Variants in EPB41L4A observed in about 807,000 individuals in gnomAD.
EPB41L4A encodes erythrocyte membrane protein band 4.1 like 4A.
Under a neutral mutation model 108.6 loss-of-function variants are expected in EPB41L4A, and 100 were observed. The observed-to-expected ratio is 0.92, with a 90% CI of 0.78 to 1.09. The LOEUF (loss-of-function observed/expected upper bound fraction) is 1.09, where lower values mean the gene tolerates loss of function less well. Among genes scored for constraint, EPB41L4A ranks in the 50% least tolerant of loss-of-function variants. EPB41L4A has a pLI of 0.00. For missense variants in EPB41L4A, 1,030 were observed against 842.7 expected (o/e 1.22, Z -2.75); for synonymous variants, 319 against 289.0 (o/e 1.10, Z -1.05).
exon 14 of EPB41L4A, chr5:112,143,522 T>C (rs1335893582): frequency 6.5e-6 from 1 of 153,912 alleles, no homozygotes. Context: ...TTAAAAGGAG[T>C]GGTTCATTAG....
intron 22 of EPB41L4A, among the ~76,000 whole-genome samples, chr5:112,165,952 T>G (rs79966042): frequency 6.6e-6 from 1 of 152,188 alleles, no homozygotes; most frequent in Non-Finnish European, 1.5e-5. Context: ...ATGGGAAGCA[T>G]GAACCCATCT....
intron 9 of EPB41L4A, among the ~76,000 whole-genome samples, chr5:112,254,717 G>GACCAAC (rs1750946267): frequency 6.6e-6 from 1 of 151,962 alleles, no homozygotes. Flanking sequence ...CAATCGACTG[G>GACCAAC]ACCAATTCTC....
chr5:112,400,047 G>T (rs1369624298), intron 1 of EPB41L4A, among the ~76,000 whole-genome samples: 1 of 152,138 alleles, frequency 6.6e-6, no homozygotes, highest in Non-Finnish European at 1.5e-5. Context: ...AGAAGCACTT[G>T]AGACTGGGTA....
chr5:112,323,684 C>A (rs142142603), intron 1 of EPB41L4A, among the ~76,000 whole-genome samples: 1 of 152,162 alleles, frequency 6.6e-6, no homozygotes, highest in Non-Finnish European at 1.5e-5. Context: ...CCATCTTTGC[C>A]CTCCTTCCTC....
chr5:112,339,411 A>G (rs761840685), intron 1 of EPB41L4A, among the ~76,000 whole-genome samples: 4 of 150,938 alleles, frequency 2.7e-5, no homozygotes, highest in Non-Finnish European at 5.9e-5. Flanking sequence ...TAAGTAGCTA[A>G]CAATACAGTA....
chr5:112,166,424 C>G (rs1239970095), intron 22 of EPB41L4A, among the ~76,000 whole-genome samples: 1 of 152,208 alleles, frequency 6.6e-6, no homozygotes, highest in Non-Finnish European at 1.5e-5. Context: ...CTCAAGCTCA[C>G]TGCATGTTGG....
At chr5:112,234,556 AT>A in intron 12 of EPB41L4A, 77 bp downstream of exon 12, 1 of 1,380,174 alleles carries the variant, frequency 7.2e-7, no homozygotes. Context: ...AGTTATAGAC[AT>A]CACCTGAGTA....
chr5:112,268,996 G>T (rs1289565135), intron 4 of EPB41L4A, among the ~76,000 whole-genome samples: 1 of 151,966 alleles, frequency 6.6e-6, no homozygotes, highest in East Asian at 1.9e-4. Context: ...AAAACAAAGA[G>T]CTGAAATACA....
At chr5:112,173,484 A>G (rs896911186) in intron 18 of EPB41L4A, 1 of 151,872 alleles carries the variant, frequency 6.6e-6, no homozygotes, top group African/African-American at 2.4e-5. Context: ...ATGCTTTTCT[A>G]TATTTTCTGA....
intron 1 of EPB41L4A, among the ~76,000 whole-genome samples, chr5:112,345,377 A>C (rs2150712359): frequency 6.6e-6 from 1 of 152,326 alleles, no homozygotes; most frequent in Admixed American, 6.5e-5. Flanking sequence ...GCTGTTACAT[A>C]CCATGTTTGA....
intron 4 of EPB41L4A, 62 bp from the exon 5 acceptor site, chr5:112,266,392 G>A: frequency 8.6e-7 from 1 of 1,157,716 alleles, no homozygotes; most frequent in Non-Finnish European, 1.2e-6. Context: ...TGAGGTTTCG[G>A]ACCCTGATAA....
At chr5:112,286,866 GA>G (rs35486822) in intron 2 of EPB41L4A, among the ~76,000 whole-genome samples, 29,274 of 142,538 alleles carry the variant, frequency 0.21, 2,940 homozygotes, top group East Asian at 0.36. Context: ...CTCTGGATGA[GA>G]AAAAAAAAAA....
At chr5:112,170,576 C>A (rs925481541) in intron 19 of EPB41L4A, among the ~76,000 whole-genome samples, 10 of 152,172 alleles carry the variant, frequency 6.6e-5, no homozygotes, top group African/African-American at 2.4e-4. Flanking sequence ...TCTTTCAATT[C>A]TTCTACATTC....
chr5:112,308,261 A>G (rs531510202), intron 1 of EPB41L4A, among the ~76,000 whole-genome samples: 1 of 152,322 alleles, frequency 6.6e-6, no homozygotes, highest in East Asian at 1.9e-4. Context: ...GGCTGGTATA[A>G]TAAGATAATA....
At chr5:112,181,594 T>C (rs1391262109) in intron 18 of EPB41L4A, among the ~76,000 whole-genome samples, 1 of 152,080 alleles carries the variant, frequency 6.6e-6, no homozygotes, top group Admixed American at 6.5e-5. Flanking sequence ...TGGAAACAAT[T>C]CAGCTGTCCA....
chr5:112,249,420 T>A (rs993029378), intron 9 of EPB41L4A, among the ~76,000 whole-genome samples: 2 of 152,202 alleles, frequency 1.3e-5, no homozygotes, highest in Non-Finnish European at 2.9e-5. Flanking sequence ...ATTCTCCAAC[T>A]GGAAATAGAT....
intron 1 of EPB41L4A, among the ~76,000 whole-genome samples, chr5:112,354,293 C>G (rs1364520684): frequency 6.6e-6 from 1 of 152,142 alleles, no homozygotes; most frequent in Non-Finnish European, 1.5e-5. Context: ...ATGGGTATGA[C>G]TCGCCAAAGG....
At chr5:112,370,068 G>A (rs139377893) in intron 1 of EPB41L4A, among the ~76,000 whole-genome samples, 150 of 151,854 alleles carry the variant, frequency 9.9e-4, no homozygotes, top group African/African-American at 3.2e-3. Flanking sequence ...TTTGTCACCC[G>A]GGCTAAACTG....
At chr5:112,380,792 T>C (rs10041243) in intron 1 of EPB41L4A, among the ~76,000 whole-genome samples, 3,255 of 141,132 alleles carry the variant, frequency 0.023, 142 homozygotes, top group African/African-American at 0.074. Context: ...ATCACACACA[T>C]ACACACACAC....
Sources: gnomAD v4.1 joint callset for allele counts (sites outside exome capture counted in the v4.1 genomes callset) on GRCh38, gnomAD v4.1.1 for gene constraint, MANE v1.5 for transcripts, NCBI Gene and HGNC (gene_info 2026-07-23, HGNC 2026-07-21) for gene names.